The following ANKRD24 variants were observed in gnomAD, a reference collection of about 807,000 sequenced individuals.
ANKRD24 encodes ankyrin repeat domain-containing protein 24.
In ANKRD24, 109 loss-of-function variants were observed where a neutral mutation model predicts 127.8. The observed-to-expected ratio is 0.85, with a 90% confidence interval of 0.73 to 1.00. ANKRD24 has a LOEUF of 1.00. ANKRD24 is among the 50% of genes least tolerant of loss of function. The pLI is 0.00. For missense variants in ANKRD24, 1,648 were observed against 1,570.2 expected (o/e 1.05, Z -0.84); for synonymous variants, 743 against 671.1 (o/e 1.11, Z -1.66).
chr19:4,186,354 T>C (rs981613928), intron 1 of ANKRD24, 36 bp from the exon 2 acceptor site: 32 of 1,552,404 alleles, frequency 2.1e-5, no homozygotes, highest in Non-Finnish European at 2.8e-5. Flanking sequence ...CCAGGACTGG[T>C]GTCCCTCACC....
intron 5 of ANKRD24, among the ~76,000 whole-genome samples, chr19:4,201,458 A>G (rs1280745886): frequency 6.6e-6 from 1 of 152,038 alleles, no homozygotes; most frequent in Non-Finnish European, 1.5e-5. Flanking sequence ...ATCTGGGGAC[A>G]TGGGGAGTAG....
At position 4,214,624 on chromosome 19, in the gene ANKRD24, C is replaced by T. The variant is rs144863477; in HGVS notation, c.1198-1354C>T. 7.3e-3 allele frequency among the ~76,000 whole-genome samples: 1,117 copies of T among 152,154 alleles called. 10 individuals carry two copies. The highest frequency in any genetic ancestry group is 0.017 in the African/African-American group (717 of 41,544). ...ATCTCAGCACTTTGGGAGCCTGAGG[C>T]GAGTGGATCACCTGAGGTCAGGAGT... is the stretch of plus-strand genomic sequence containing the variant. On this transcript the variant is annotated intron_variant, in intron 15 of 21. Transcript: ENST00000318934.
At chr19:4,212,809 A>T (rs982271263) in intron 15 of ANKRD24, 111 bp downstream of exon 15, 5 of 1,027,592 alleles carry the variant, frequency 4.9e-6, no homozygotes, top group Non-Finnish European at 7.1e-6. Context: ...CACACGTGCA[A>T]ACACACGCAC....
rs1377243378 is a variant in ANKRD24 at position 4,198,114 on chromosome 19, G to C, written c.37-1569G>C. Reference sequence around the variant, plus strand: ...CCTTGGCCGACTCGGAGGAGGTGGAGATGGACGCCCGCGGGTCCCCTGGAG... The same window carrying C: ...CCTTGGCCGACTCGGAGGAGGTGGACATGGACGCCCGCGGGTCCCCTGGAG... On this transcript the variant is annotated intron_variant, in intron 2 of 21. Transcript: ENST00000318934. This position sits in a 1 kb window ranked among gnomAD's most constrained non-coding sequence, Gnocchi z 6.1. 1.2e-5 allele frequency: 6 copies of C among 485,938 alleles called. No homozygotes were observed. The highest frequency in any genetic ancestry group is 2.2e-5 in the Non-Finnish European group (6 of 273,764). 30.1% of individuals were successfully genotyped at this position (485,938 alleles called of 1,614,324 possible). A position where few individuals can be genotyped will look rare whatever the true frequency, so the allele number is the denominator to read the frequency against.
chr19:4,204,126 G>A (rs973346688), intron 7 of ANKRD24, among the ~76,000 whole-genome samples: 2 of 151,640 alleles, frequency 1.3e-5, no homozygotes, highest in Non-Finnish European at 2.9e-5. Flanking sequence ...ACCATGCCCG[G>A]CTAATTTTTT....
intron 5 of ANKRD24, among the ~76,000 whole-genome samples, chr19:4,201,747 C>T (rs772565499): frequency 1.3e-5 from 2 of 152,004 alleles, no homozygotes; most frequent in Non-Finnish European, 2.9e-5. Context: ...ATTAGCCAGA[C>T]ATGGTGGCAC....
intron 13 of ANKRD24, 65 bp downstream of exon 13, chr19:4,210,437 C>A: frequency 4.5e-6 from 6 of 1,348,276 alleles, no homozygotes; most frequent in Non-Finnish European, 6.0e-6. Flanking sequence ...GCATGAAGAT[C>A]CCCCTACTTT....
At chr19:4,197,962 T>C (rs1264864290) in intron 2 of ANKRD24, among the ~76,000 whole-genome samples, 6 of 152,058 alleles carry the variant, frequency 3.9e-5, no homozygotes, top group African/African-American at 1.4e-4. Context: ...GGCGGGCCGG[T>C]GAATGAATGA....
chr19:4,203,137 TC>T (rs1969189684), intron 7 of ANKRD24, among the ~76,000 whole-genome samples: 1 of 151,888 alleles, frequency 6.6e-6, no homozygotes, highest in Non-Finnish European at 1.5e-5. Context: ...AACATCCATC[TC>T]CCAGGTTCAA....
Position 4,218,065 on chromosome 19 carries a change from C to T in ANKRD24, c.2905C>T (p.Arg969Cys), listed in dbSNP as rs867343383. 1.7e-5 allele frequency: 27 copies of T among 1,558,256 alleles called. No individual in the cohort carries two copies. Among genetic ancestry groups the T allele is most frequent in the East Asian group, 2.5e-5 (1 of 40,398 alleles). Reference protein sequence around the residue: ...VCSVALSEHERIVGTLQANVA... With the variant: ...VCSVALSEHECIVGTLQANVA... ...CAGCGTGGCGCTCTCGGAGCACGAA[C>T]GCATCGTGGGCACCCTGCAGGCCAA... The change falls in exon 18 of 22, where the codon CGC (arginine) becomes TGC (cysteine). Residue 969 changes from arginine (R) to cysteine (C), a missense_variant. Transcript: ENST00000318934.
At position 4,222,625 on chromosome 19, in the gene ANKRD24, C is replaced by T. The variant is rs753882450; in HGVS notation, c.3172-45C>T. 38 of 1,534,396 alleles carry T rather than the reference C, an allele frequency of 2.5e-5. No individual in the cohort carries two copies. The South Asian group carries it at 4.5e-4, about 18-fold the overall frequency. On this transcript the variant is annotated intron_variant, in intron 19 of 21. Transcript: ENST00000318934. ...CGGCTGCAGAGAGGTCCTCAGCCCC[C>T]AGCTCTGGGCTTAGGGTGATCGCTG...
intron 2 of ANKRD24, among the ~76,000 whole-genome samples, chr19:4,188,664 G>A (rs1968204742): frequency 6.6e-6 from 1 of 152,122 alleles, no homozygotes; most frequent in East Asian, 1.9e-4. Flanking sequence ...ACAGGCGTGA[G>A]CCACTGCGCC....
chr19:4,200,534 G>A (rs1360776495), intron 5 of ANKRD24, among the ~76,000 whole-genome samples: 1 of 151,852 alleles, frequency 6.6e-6, no homozygotes, highest in East Asian at 1.9e-4. Flanking sequence ...TTTTTTGGGG[G>A]GAGGGACAGG....
chr19:4,222,835 G>A, intron 20 of ANKRD24, 40 bp downstream of exon 20: 7 of 1,550,652 alleles, frequency 4.5e-6, no homozygotes, highest in Non-Finnish European at 5.2e-6. Context: ...GACCATCAGG[G>A]TGGAGGAGTC....
chr19:4,208,980 G>C, intron 11 of ANKRD24, 179 bp downstream of exon 11: 1 of 486,914 alleles, frequency 2.1e-6, no homozygotes, highest in East Asian at 4.8e-5. Context: ...CTAACTCCCA[G>C]AACTGGGTGA....
intron 7 of ANKRD24, among the ~76,000 whole-genome samples, chr19:4,204,922 T>C (rs888662180): frequency 6.6e-6 from 1 of 152,082 alleles, no homozygotes; most frequent in Non-Finnish European, 1.5e-5. Context: ...GCCAACATGG[T>C]GAAACCCTGT....
At position 4,210,254 on chromosome 19, in the gene ANKRD24, G is replaced by A. The variant is rs754032291; in HGVS notation, c.952-11G>A. ...GGCCCCATCTAAAGGCCGTGGTGGGGAGGGGAACAGGATGATCGAGATGCC... is the reference window on the plus strand; with the variant it reads ...GGCCCCATCTAAAGGCCGTGGTGGGAAGGGGAACAGGATGATCGAGATGCC... On this transcript the variant is annotated splice_polypyrimidine_tract_variant and intron_variant, in intron 12 of 21. Transcript: ENST00000318934. 12 of 1,575,236 alleles carry A rather than the reference G, an allele frequency of 7.6e-6. No homozygotes were observed. The South Asian group carries it at 1.4e-4, about 18-fold the overall frequency.
At chr19:4,220,801 T>C (rs111316058) in intron 19 of ANKRD24, among the ~76,000 whole-genome samples, 24,914 of 152,048 alleles carry the variant, frequency 0.16, 5,478 homozygotes, top group African/African-American at 0.51. Context: ...GTGATCCGCC[T>C]GCCTCGGCCT....
At chr19:4,202,206 T>TAGGC (rs1456167400) in intron 6 of ANKRD24, 116 bp downstream of exon 6, 1 of 941,282 alleles carries the variant, frequency 1.1e-6, no homozygotes, top group African/African-American at 1.6e-5. Flanking sequence ...CCCCTTTTAC[T>TAGGC]CCAGAACCCT....
Sources: gnomAD v4.1 joint callset for allele counts (sites outside exome capture counted in the v4.1 genomes callset) on GRCh38, gnomAD v4.1.1 for gene constraint, Gnocchi (gnomAD v3.1) non-coding constraint, MANE v1.5 for transcripts, NCBI Gene and HGNC (gene_info 2026-07-23, HGNC 2026-07-21) for gene names.